The following ZFHX3 variants were observed in gnomAD, a reference collection of about 807,000 sequenced individuals.
The protein encoded by ZFHX3 is zinc finger homeobox protein 3.
A neutral mutation model predicts 279.1 loss-of-function variants in ZFHX3; 42 were observed. The ratio of observed to expected loss-of-function variants is 0.15; its 90% CI spans 0.12 to 0.19. The LOEUF (loss-of-function observed/expected upper bound fraction) is 0.19, where lower values mean the gene tolerates loss of function less well. Ranked by LOEUF, ZFHX3 falls within the 10% of genes least tolerant of loss-of-function variation. ZFHX3 has a pLI of 1.00. For missense variants in ZFHX3, 4,981 were observed against 4,754.0 expected (o/e 1.05, Z -1.40); for synonymous variants, 2,293 against 1,957.8 (o/e 1.17, Z -4.52).
intron 4 of ZFHX3, among the ~76,000 whole-genome samples, chr16:72,839,646 A>G (rs2037294299): frequency 6.6e-6 from 1 of 152,094 alleles, no homozygotes; most frequent in Non-Finnish European, 1.5e-5. Flanking sequence ...CCCAAAAAAA[A>G]GCTGGAGTTG....
At chr16:73,363,340 T>C (rs1423736) in intron 3 of ZFHX3, among the ~76,000 whole-genome samples, 47,454 of 152,194 alleles carry the variant, frequency 0.31, 7,813 homozygotes, top group African/African-American at 0.42. Context: ...AAGCTAACTG[T>C]TACGTATTTT....
intron 4 of ZFHX3, among the ~76,000 whole-genome samples, chr16:73,285,427 C>T (rs568232854): frequency 2.6e-5 from 4 of 152,186 alleles, no homozygotes; most frequent in African/African-American, 9.7e-5. Flanking sequence ...CAAAGGGTGT[C>T]GTCAGCTGAC....
In ZFHX3 at chr16:73,346,984, C is replaced by G. The variant is rs372313660; in HGVS notation, c.-1290-28648G>C. On this transcript the variant is annotated intron_variant, in intron 3 of 17. Transcript: ENST00000641206. ...TTCACTATAAGGAGGTATGGTCATT[C>G]CTGTGTTACAAGGGGAGGAAATTGA... Among the ~76,000 whole-genome samples, 183 of 152,266 alleles carry G rather than the reference C, an allele frequency of 1.2e-3. 1 individual carries two copies. Among genetic ancestry groups the G allele is most frequent in the African/African-American group, 4.3e-3 (178 of 41,552 alleles).
chr16:72,795,336 T>G lies in ZFHX3; in HGVS notation c.7346A>C (p.Gln2449Pro). ...TTGCTGCTGCAGCTCTGGCTTTGGT[T>G]GTCCTTGCTTTTCTTGGGTTTGGTT... ...QPNQTQEKQG[Q>P]PKPELQQQEQ... is the part of the protein sequence containing the mutation. Residue 2449 changes from glutamine to proline, a missense_variant, in exon 9 of 10, where the codon CAA becomes CCA. Gln to Pro is a moderately conservative substitution (Grantham distance 76, BLOSUM62 -1). This residue lies in a region of ZFHX3 where 744 missense variants were observed against 701.3 expected (regional missense o/e 1.06). Coordinates refer to ENST00000268489, the MANE Select transcript of ZFHX3 (RefSeq NM_006885.4). 1.2e-6 allele frequency: 2 copies of G among 1,614,110 alleles called. No homozygotes were observed. Among genetic ancestry groups the G allele is most frequent in the Non-Finnish European group, 1.7e-6 (2 of 1,180,012 alleles).
At chr16:73,479,015 G>A (rs1252079670) in intron 2 of ZFHX3, among the ~76,000 whole-genome samples, 1 of 152,106 alleles carries the variant, frequency 6.6e-6, no homozygotes, top group Non-Finnish European at 1.5e-5. Flanking sequence ...TCATGCCACT[G>A]CACTCCAGCC....
chr16:73,383,837 A>G (rs1429693208), intron 3 of ZFHX3, among the ~76,000 whole-genome samples: 1 of 152,236 alleles, frequency 6.6e-6, no homozygotes, highest in Non-Finnish European at 1.5e-5. Flanking sequence ...GCTGGTCTTT[A>G]ACAAAACAGC....
intron 4 of ZFHX3, among the ~76,000 whole-genome samples, chr16:72,846,888 C>A (rs1295873338): frequency 1.3e-5 from 2 of 152,170 alleles, no homozygotes; most frequent in Non-Finnish European, 2.9e-5. Context: ...CTATCCTTTG[C>A]CATGGGCGGT....
At chr16:73,121,835 T>A (rs2144809145) in intron 7 of ZFHX3, among the ~76,000 whole-genome samples, 1 of 152,186 alleles carries the variant, frequency 6.6e-6, no homozygotes, top group Admixed American at 6.5e-5. Flanking sequence ...CCGGATGGTC[T>A]GTATCTCCTG....
intron 2 of ZFHX3, among the ~76,000 whole-genome samples, chr16:73,510,042 A>C (rs2019402117): frequency 6.6e-6 from 1 of 152,182 alleles, no homozygotes; most frequent in South Asian, 2.1e-4. Flanking sequence ...GGACAGCTGC[A>C]TGAGTTGTTC....
intron 1 of ZFHX3, among the ~76,000 whole-genome samples, chr16:73,759,405 T>C (rs2053841272): frequency 6.6e-6 from 1 of 152,148 alleles, no homozygotes; most frequent in South Asian, 2.1e-4. Flanking sequence ...TCACATTTTA[T>C]TGGCCAGATT....
chr16:73,356,490 G>C (rs2016343125), intron 3 of ZFHX3, among the ~76,000 whole-genome samples: 1 of 152,034 alleles, frequency 6.6e-6, no homozygotes, highest in South Asian at 2.1e-4. Context: ...CCCACGCTGA[G>C]ACGGGACCCC....
At chr16:73,682,862 GAA>G (rs1281769386) in intron 1 of ZFHX3, among the ~76,000 whole-genome samples, 1 of 27,314 alleles carries the variant, frequency 3.7e-5, no homozygotes, top group Non-Finnish European at 7.6e-5. Flanking sequence ...GAGAAAGAAA[GAA>G]AGAAAGAAAG....
chr16:73,659,164 T>C (rs930537361), intron 2 of ZFHX3, among the ~76,000 whole-genome samples: 1 of 152,146 alleles, frequency 6.6e-6, no homozygotes, highest in Non-Finnish European at 1.5e-5. Flanking sequence ...GATATGTAAG[T>C]AATGGAAGAA....
intron 2 of ZFHX3, among the ~76,000 whole-genome samples, chr16:73,552,568 A>T (rs2020217873): frequency 6.6e-6 from 1 of 152,172 alleles, no homozygotes; most frequent in Non-Finnish European, 1.5e-5. Flanking sequence ...TTTTCTCACC[A>T]CCACTAGCAT....
In ZFHX3 at chr16:73,784,566, G is replaced by T. The variant is rs559249758; in HGVS notation, c.-1607-104326C>A. Among the ~76,000 whole-genome samples the T allele has an allele frequency of 2.1e-3, 324 of 151,908 alleles. 1 individual carries two copies. Among genetic ancestry groups the T allele is most frequent in the African/African-American group, 7.4e-3 (305 of 41,418 alleles). ...GATCGAGACAATCCTGGCCAACATG[G>T]TGAAACCCCATCTCTACTAAAAATA... is the stretch of plus-strand genomic sequence containing the variant. On this transcript the variant is annotated intron_variant, in intron 1 of 17. Transcript: ENST00000641206.
At chr16:73,787,922 C>T (rs1004535378) in intron 1 of ZFHX3, among the ~76,000 whole-genome samples, 1 of 151,184 alleles carries the variant, frequency 6.6e-6, no homozygotes, top group Non-Finnish European at 1.5e-5. Context: ...TTGTATCGGT[C>T]AGGGCCCAGC....
At chr16:73,089,328 T>C (rs1021888222) in intron 8 of ZFHX3, among the ~76,000 whole-genome samples, 4 of 152,182 alleles carry the variant, frequency 2.6e-5, no homozygotes, top group African/African-American at 9.7e-5. Flanking sequence ...GGCCTCAAAC[T>C]CCTGACCTCA....
chr16:73,105,856 T>C (rs942825736), intron 7 of ZFHX3, among the ~76,000 whole-genome samples: 10 of 152,254 alleles, frequency 6.6e-5, no homozygotes, highest in African/African-American at 2.4e-4. Context: ...CTCATGATCA[T>C]CATGATCGAG....
intron 5 of ZFHX3, among the ~76,000 whole-genome samples, chr16:73,196,093 TTATC>T (rs1968142456): frequency 6.6e-6 from 1 of 151,862 alleles, no homozygotes; most frequent in Non-Finnish European, 1.5e-5. Context: ...GAAGTGTACT[TTATC>T]TAGGCTGTGA....
Sources: allele counts gnomAD v4.1 joint callset (sites outside exome capture counted in the v4.1 genomes callset), GRCh38; gene constraint gnomAD v4.1.1; regional missense constraint gnomAD v4.1.1; transcripts MANE v1.5; gene names NCBI Gene and HGNC (gene_info 2026-07-23, HGNC 2026-07-21).